ADAMTS6: variants seen among roughly 807,000 people sequenced by gnomAD.
ADAMTS6 encodes ADAM metallopeptidase with thrombospondin type 1 motif 6.
A neutral mutation model predicts 144.3 loss-of-function variants in ADAMTS6; 23 were observed. The ratio of observed to expected loss-of-function variants is 0.16; its 90% CI spans 0.11 to 0.23. The LOEUF (loss-of-function observed/expected upper bound fraction) is 0.23, where lower values mean the gene tolerates loss of function less well. Among genes scored for constraint, ADAMTS6 ranks in the 10% least tolerant of loss-of-function variants. The pLI is 1.00. For synonymous variants in ADAMTS6, 444 were observed against 457.5 expected (o/e 0.97, Z 0.38); for missense variants, 999 against 1,379.6 (o/e 0.72, Z 4.37).
At chr5:65,193,110 T>C (rs1413019621) in intron 21 of ADAMTS6, among the ~76,000 whole-genome samples, 4 of 151,986 alleles carry the variant, frequency 2.6e-5, no homozygotes, top group Admixed American at 2.0e-4. Context: ...GATAGATCAA[T>C]GTTTACATTA....
At chr5:65,334,367 A>G (rs947968349) in intron 7 of ADAMTS6, among the ~76,000 whole-genome samples, 1 of 152,192 alleles carries the variant, frequency 6.6e-6, no homozygotes, top group African/African-American at 2.4e-5. Flanking sequence ...GATCTGCCAT[A>G]CTGTTTTGAA....
chr5:65,220,709 T>C (rs1475063444), intron 18 of ADAMTS6, among the ~76,000 whole-genome samples: 1 of 151,676 alleles, frequency 6.6e-6, no homozygotes, highest in African/African-American at 2.4e-5. Flanking sequence ...ATTGCGCCAC[T>C]GCACTCCAGC....
chr5:65,226,748 A>G (rs1350695166), intron 15 of ADAMTS6, among the ~76,000 whole-genome samples: 2 of 151,994 alleles, frequency 1.3e-5, no homozygotes, highest in African/African-American at 4.8e-5. Context: ...ATGCCCATCT[A>G]ATTTTTGTAT....
intron 7 of ADAMTS6, among the ~76,000 whole-genome samples, chr5:65,374,144 C>T (rs1197797236): frequency 6.6e-6 from 1 of 152,108 alleles, no homozygotes; most frequent in African/African-American, 2.4e-5. Context: ...AAACCCACAG[C>T]CAATATCATA....
chr5:65,447,652 TTTCACCACTGA>T (rs1758375505), intron 7 of ADAMTS6, among the ~76,000 whole-genome samples: 1 of 151,998 alleles, frequency 6.6e-6, no homozygotes. Context: ...TAATGTCATA[TTTCACCACTGA>T]TACATTGTGA....
intron 15 of ADAMTS6, among the ~76,000 whole-genome samples, chr5:65,233,336 C>A (rs1307274297): frequency 6.6e-6 from 1 of 151,562 alleles, no homozygotes; most frequent in Admixed American, 6.6e-5. Flanking sequence ...GTCCTAGTCA[C>A]AGGAAGTAAG....
chr5:65,430,494 G>C (rs1369682466), intron 7 of ADAMTS6, among the ~76,000 whole-genome samples: 1 of 152,090 alleles, frequency 6.6e-6, no homozygotes, highest in African/African-American at 2.4e-5. Context: ...GACACTACTG[G>C]ATTATTCTTT....
At chr5:65,153,804 C>T (rs1752257906) in intron 24 of ADAMTS6, among the ~76,000 whole-genome samples, 1 of 152,142 alleles carries the variant, frequency 6.6e-6, no homozygotes, top group Non-Finnish European at 1.5e-5. Flanking sequence ...CTGAGTTGAG[C>T]AAATTAGAAG....
chr5:65,235,304 A>G (rs75592843), intron 15 of ADAMTS6, among the ~76,000 whole-genome samples: 1 of 152,244 alleles, frequency 6.6e-6, no homozygotes, highest in Non-Finnish European at 1.5e-5. Context: ...TATGTATATC[A>G]AAACATTACA....
At chr5:65,474,530 T>C (rs989170599) in intron 1 of ADAMTS6, among the ~76,000 whole-genome samples, 2 of 152,102 alleles carry the variant, frequency 1.3e-5, no homozygotes, top group Admixed American at 6.5e-5. Context: ...GGAAGTCTTA[T>C]GTGACTTATA....
chr5:65,332,718 G>A (rs1746883810), intron 8 of ADAMTS6, among the ~76,000 whole-genome samples: 1 of 152,042 alleles, frequency 6.6e-6, no homozygotes, highest in Non-Finnish European at 1.5e-5. Context: ...AAAAGTTAAT[G>A]TACTGAAACT....
intron 7 of ADAMTS6, among the ~76,000 whole-genome samples, chr5:65,444,158 G>A (rs778993946): frequency 2.6e-5 from 4 of 152,150 alleles, no homozygotes; most frequent in Admixed American, 2.0e-4. Context: ...TTGGGAGGCC[G>A]AGGCAGGCAG....
At chr5:65,181,335 C>G (rs372921723) in intron 22 of ADAMTS6, among the ~76,000 whole-genome samples, 1 of 152,174 alleles carries the variant, frequency 6.6e-6, no homozygotes, top group African/African-American at 2.4e-5. Flanking sequence ...TAATCCTCTT[C>G]GCTTCATGCC....
chr5:65,193,225 C>T (rs1002399610), intron 21 of ADAMTS6, among the ~76,000 whole-genome samples: 1 of 151,816 alleles, frequency 6.6e-6, no homozygotes, highest in African/African-American at 2.4e-5. Context: ...ATAAGATTTT[C>T]TAAATTTTAT....
intron 7 of ADAMTS6, 74 bp from the exon 8 acceptor site, chr5:65,334,159 C>T (rs113313884): frequency 0.023 from 33,366 of 1,442,672 alleles, 443 homozygotes; most frequent in Middle Eastern, 0.048. Flanking sequence ...CATCATACTT[C>T]TCTCCTGAAG....
At chr5:65,348,315 C>T (rs1227670174) in intron 7 of ADAMTS6, among the ~76,000 whole-genome samples, 2 of 152,040 alleles carry the variant, frequency 1.3e-5, no homozygotes, top group African/African-American at 2.4e-5. Flanking sequence ...CAATGAAATA[C>T]TATTCAGCCT....
intron 7 of ADAMTS6, among the ~76,000 whole-genome samples, chr5:65,365,142 C>G (rs6880085): frequency 0.57 from 87,020 of 151,814 alleles, 26,364 homozygotes; most frequent in African/African-American, 0.78. Context: ...AAGACCACTG[C>G]AATCAGGAGA....
chr5:65,300,281 A>G (rs568791691), intron 9 of ADAMTS6, 150 bp from the exon 10 acceptor site: 1 of 663,764 alleles, frequency 1.5e-6, no homozygotes, highest in Non-Finnish European at 2.5e-6. Context: ...TAGGATTAAA[A>G]TTAAAGAGAC....
intron 7 of ADAMTS6, among the ~76,000 whole-genome samples, chr5:65,379,431 T>G (rs1056566628): frequency 6.6e-6 from 1 of 152,220 alleles, no homozygotes; most frequent in Non-Finnish European, 1.5e-5. Context: ...TCTCATGAGA[T>G]GTACAGAGTG....
Sources: allele counts gnomAD v4.1 joint callset (sites outside exome capture counted in the v4.1 genomes callset), GRCh38; gene constraint gnomAD v4.1.1; transcripts MANE v1.5; gene names NCBI Gene and HGNC (gene_info 2026-07-23, HGNC 2026-07-21).